FAF1: variants seen among roughly 807,000 people sequenced by gnomAD.
FAF1 encodes Fas associated factor 1, also known as FAS-associated factor 1.
FAF1 carries 25 observed loss-of-function variants against 92.5 expected under a neutral mutation model. The observed-to-expected ratio is 0.27, with a 90% confidence interval of 0.20 to 0.38. The LOEUF (loss-of-function observed/expected upper bound fraction) is 0.38, where lower values mean the gene tolerates loss of function less well. FAF1 is among the 10% of genes least tolerant of loss of function. The pLI is 1.00. For synonymous variants in FAF1, 234 were observed against 273.2 expected (o/e 0.86, Z 1.42); for missense variants, 636 against 793.3 (o/e 0.80, Z 2.38).
intron 1 of FAF1, among the ~76,000 whole-genome samples, chr1:50,896,019 C>T (rs752718189): frequency 3.9e-5 from 6 of 152,058 alleles, no homozygotes; most frequent in South Asian, 2.1e-4. Context: ...CACTGCTATT[C>T]GACACAGTAC....
At chr1:50,451,751 G>T in intron 18 of FAF1, 2 of 671,870 alleles carry the variant, frequency 3.0e-6, no homozygotes, top group Non-Finnish European at 1.8e-6. Flanking sequence ...CATCTCTGTA[G>T]CATATGGGGA....
At chr1:50,715,987 CTCTT>C (rs1363610715) in intron 6 of FAF1, among the ~76,000 whole-genome samples, 4 of 152,140 alleles carry the variant, frequency 2.6e-5, no homozygotes, top group African/African-American at 9.7e-5. Context: ...AAATGTAACA[CTCTT>C]TATTGTCTTG....
chr1:50,451,759 G>C (rs947220311), intron 18 of FAF1: 1 of 767,006 alleles, frequency 1.3e-6, no homozygotes, highest in Non-Finnish European at 1.6e-6. Flanking sequence ...TAGCATATGG[G>C]GACAGAAAAG....
chr1:50,465,296 T>C (rs753528945), intron 18 of FAF1, among the ~76,000 whole-genome samples: 52 of 152,210 alleles, frequency 3.4e-4, no homozygotes, highest in Admixed American at 6.5e-4. Flanking sequence ...AACTGTAAAG[T>C]AAGGATACTC....
At chr1:50,679,214 T>C (rs1424154497) in intron 7 of FAF1, among the ~76,000 whole-genome samples, 2 of 152,168 alleles carry the variant, frequency 1.3e-5, no homozygotes, top group Non-Finnish European at 2.9e-5. Flanking sequence ...AGCAAGCCAC[T>C]TCCAATTTTT....
chr1:50,576,584 C>A (rs1650745958), intron 12 of FAF1, among the ~76,000 whole-genome samples: 1 of 151,808 alleles, frequency 6.6e-6, no homozygotes. Context: ...GGACAGTAGG[C>A]ATGAGAGGTG....
chr1:50,493,890 G>A (rs1646869926), intron 15 of FAF1, among the ~76,000 whole-genome samples: 1 of 152,146 alleles, frequency 6.6e-6, no homozygotes, highest in African/African-American at 2.4e-5. Flanking sequence ...CCTTCTAAAA[G>A]CAATCACAGC....
chr1:50,647,739 G>A (rs566410758), intron 8 of FAF1, among the ~76,000 whole-genome samples: 37 of 152,082 alleles, frequency 2.4e-4, no homozygotes, highest in East Asian at 5.8e-4. Flanking sequence ...ATAACTCTAC[G>A]AGTTATTGTT....
At chr1:50,536,334 G>C (rs925892271) in intron 14 of FAF1, among the ~76,000 whole-genome samples, 1 of 152,090 alleles carries the variant, frequency 6.6e-6, no homozygotes, top group African/African-American at 2.4e-5. Flanking sequence ...AATTCATGAG[G>C]ATATATAAAG....
chr1:50,482,342 A>G (rs1175299304), intron 17 of FAF1, among the ~76,000 whole-genome samples: 1 of 152,202 alleles, frequency 6.6e-6, no homozygotes, highest in Non-Finnish European at 1.5e-5. Context: ...TTGTATAGAT[A>G]CACATACAGC....
chr1:50,715,045 C>A (rs1658115312), intron 6 of FAF1: 2 of 419,020 alleles, frequency 4.8e-6, no homozygotes, highest in Admixed American at 2.9e-5. Context: ...TTTGCATTAT[C>A]AACAAGGACA....
chr1:50,753,589 C>T (rs1659956400), intron 4 of FAF1, among the ~76,000 whole-genome samples: 1 of 152,136 alleles, frequency 6.6e-6, no homozygotes, highest in South Asian at 2.1e-4. Context: ...GTCAGATCTG[C>T]TGTTAATCTC....
chr1:50,952,600 A>G (rs12060499), intron 1 of FAF1, among the ~76,000 whole-genome samples: 3,029 of 147,900 alleles, frequency 0.02, 100 homozygotes, highest in African/African-American at 0.073. Flanking sequence ...CCCTCTGCCC[A>G]GCCGCCCAGT....
intron 2 of FAF1, among the ~76,000 whole-genome samples, chr1:50,853,067 G>C (rs980716927): frequency 4.6e-5 from 7 of 152,256 alleles, no homozygotes; most frequent in African/African-American, 1.4e-4. Context: ...ATGCTTGGCT[G>C]CTTTCGGATG....
intron 6 of FAF1, among the ~76,000 whole-genome samples, chr1:50,737,299 A>AGAAC (rs1659181309): frequency 6.6e-6 from 1 of 152,220 alleles, no homozygotes; most frequent in African/African-American, 2.4e-5. Flanking sequence ...ATGGCAATGA[A>AGAAC]GAACGTTTCC....
chr1:50,771,524 G>C (rs1323482707), intron 4 of FAF1, among the ~76,000 whole-genome samples: 1 of 152,144 alleles, frequency 6.6e-6, no homozygotes, highest in Non-Finnish European at 1.5e-5. Flanking sequence ...AAAATGCTTA[G>C]TATCACTAAT....
At chr1:50,728,459 G>C (rs1026137773) in intron 6 of FAF1, among the ~76,000 whole-genome samples, 5 of 152,288 alleles carry the variant, frequency 3.3e-5, no homozygotes, top group African/African-American at 1.2e-4. Context: ...ATAGGTCCCA[G>C]TAAGGAACTT....
At chr1:50,501,791 T>C (rs146678495) in intron 15 of FAF1, among the ~76,000 whole-genome samples, 289 of 152,342 alleles carry the variant, frequency 1.9e-3, no homozygotes, top group African/African-American at 6.7e-3. Context: ...TTCGGCAGTT[T>C]GTTAGAAAGT....
At chr1:50,574,779 G>A (rs1650630907) in intron 12 of FAF1, among the ~76,000 whole-genome samples, 1 of 151,506 alleles carries the variant, frequency 6.6e-6, no homozygotes. Flanking sequence ...TGATTTATGG[G>A]TATACATGTT....
Sources: allele counts gnomAD v4.1 joint callset (sites outside exome capture counted in the v4.1 genomes callset), GRCh38; gene constraint gnomAD v4.1.1; transcripts MANE v1.5; gene names NCBI Gene and HGNC (gene_info 2026-07-23, HGNC 2026-07-21).